Variants in CGGBP1 observed in about 807,000 individuals in gnomAD.
CGGBP1 encodes CGG triplet repeat-binding protein 1.
CGGBP1 carries 4 observed loss-of-function variants against 11.4 expected under a neutral mutation model. That is an observed-to-expected ratio of 0.35 (90% CI 0.17 to 0.80). CGGBP1 has a LOEUF of 0.80. Ranked by LOEUF, CGGBP1 falls within the 30% of genes least tolerant of loss-of-function variation. The pLI, the probability that CGGBP1 is intolerant of heterozygous loss-of-function variation, is 0.52. For missense variants in CGGBP1, 135 were observed against 202.1 expected (o/e 0.67, Z 2.01); for synonymous variants, 76 against 74.1 (o/e 1.03, Z -0.13).
intron 2 of CGGBP1, chr3:88,139,280 A>G (rs1576355811): frequency 6.4e-7 from 1 of 1,559,004 alleles, no homozygotes; most frequent in East Asian, 2.2e-5. Context: ...GTACTTCCAA[A>G]GTAGATCACA....
chr3:88,089,490 T>TAA (rs11425740), intron 2 of CGGBP1, among the ~76,000 whole-genome samples: 223 of 147,682 alleles, frequency 1.5e-3, no homozygotes, highest in East Asian at 0.011. Context: ...AAACTCTGTT[T>TAA]AAAAAAAAAA....
chr3:88,074,907 A>C (rs1707715370), intron 2 of CGGBP1, among the ~76,000 whole-genome samples: 1 of 152,176 alleles, frequency 6.6e-6, no homozygotes, highest in Non-Finnish European at 1.5e-5. Context: ...GCCAGTGTCC[A>C]TAACTTGTGC....
In CGGBP1 at chr3:88,101,682, T is replaced by TAGATACCTAGGC. The variant is rs1320442139; in HGVS notation, c.-229+39276_-229+39287dup. ...GCCACATCTTTTCATTTCTCCTAGGTAGATACCTAGGCATAGAATTGTTAG... is the reference window on the plus strand; with the variant it reads ...GCCACATCTTTTCATTTCTCCTAGGTAGATACCTAGGCAGATACCTAGGCATAGAATTGTTAG... On this transcript the variant is annotated intron_variant, in intron 2 of 3. Transcript: ENST00000462901. Among the ~76,000 whole-genome samples, 9 of 152,148 alleles carry TAGATACCTAGGC rather than the reference T, an allele frequency of 5.9e-5. 1 individual carries two copies. Among genetic ancestry groups the TAGATACCTAGGC allele is most frequent in the Non-Finnish European group, 1.2e-4 (8 of 68,014 alleles).
intron 2 of CGGBP1, chr3:88,095,782 A>G: frequency 2.3e-6 from 1 of 426,574 alleles, no homozygotes; most frequent in Non-Finnish European, 4.5e-6. Context: ...TTTGTAAACT[A>G]AGAAATGAGC....
chr3:88,110,293 G>T (rs753112645), intron 2 of CGGBP1, among the ~76,000 whole-genome samples: 2 of 152,078 alleles, frequency 1.3e-5, no homozygotes, highest in East Asian at 3.8e-4. Context: ...GGTCTGTAAA[G>T]GACCAGATAC....
chr3:88,057,132 T>G (rs1706564161), intron 3 of CGGBP1, 59 bp downstream of exon 3: 1 of 152,198 alleles, frequency 6.6e-6, no homozygotes, highest in Admixed American at 6.5e-5. Flanking sequence ...AAGTGTGCTC[T>G]GAAGAATTAT....
intron 2 of CGGBP1, among the ~76,000 whole-genome samples, chr3:88,116,359 A>G (rs1299782521): frequency 6.6e-6 from 1 of 152,056 alleles, no homozygotes; most frequent in Non-Finnish European, 1.5e-5. Flanking sequence ...CGTCCCTACT[A>G]AAAATACAAA....
chr3:88,130,617 A>ATT (rs10674029), intron 2 of CGGBP1, among the ~76,000 whole-genome samples: 2,162 of 129,170 alleles, frequency 0.017, 70 homozygotes, highest in African/African-American at 0.054. Context: ...TGCCCAGCTA[A>ATT]TTTTTTTTTT....
At chr3:88,082,257 G>A (rs1289564518) in intron 2 of CGGBP1, among the ~76,000 whole-genome samples, 2 of 151,932 alleles carry the variant, frequency 1.3e-5, no homozygotes, top group Non-Finnish European at 1.5e-5. Flanking sequence ...CTCCCAAGTA[G>A]CTAGGACTAC....
intron 2 of CGGBP1, among the ~76,000 whole-genome samples, chr3:88,066,671 G>A (rs545611350): frequency 2.4e-4 from 37 of 152,116 alleles, no homozygotes; most frequent in African/African-American, 8.9e-4. Flanking sequence ...AAGTTTTTTA[G>A]TTATATCATC....
chr3:88,087,167 C>T (rs1708379922), intron 2 of CGGBP1, among the ~76,000 whole-genome samples: 1 of 152,118 alleles, frequency 6.6e-6, no homozygotes, highest in Non-Finnish European at 1.5e-5. Context: ...CAACCTCTAC[C>T]TCCCAGGTTC....
In CGGBP1 at chr3:88,107,383, T is replaced by C. The variant is rs571166943; in HGVS notation, c.-229+33587A>G. Among the ~76,000 whole-genome samples, 12 of 152,284 alleles carry C rather than the reference T, an allele frequency of 7.9e-5. No homozygotes were observed. In the South Asian group the frequency reaches 2.3e-3, roughly 29 times the overall value. ...TTAGACCTTTCTTTCCAATTTAATT[T>C]CCCATGTTTTTGTAAACAATCTATA... On this transcript the variant is annotated intron_variant, in intron 2 of 3. Transcript: ENST00000462901.
At chr3:88,059,163 G>A (rs984951566), upstream of CGGBP1, 70 of 1,375,358 alleles carry the variant, frequency 5.1e-5, no homozygotes, top group Non-Finnish European at 6.6e-5. Flanking sequence ...GGGGGCGTGG[G>A]TGGGCGGAGC....
At chr3:88,078,106 GA>G (rs1309898060) in intron 2 of CGGBP1, among the ~76,000 whole-genome samples, 1 of 152,118 alleles carries the variant, frequency 6.6e-6, no homozygotes, top group African/African-American at 2.4e-5. Flanking sequence ...AAACTATTGT[GA>G]ATATCGGACT....
chr3:88,130,867 C>T (rs1706417448), intron 2 of CGGBP1, among the ~76,000 whole-genome samples: 1 of 151,910 alleles, frequency 6.6e-6, no homozygotes, highest in African/African-American at 2.4e-5. Flanking sequence ...CTAGGGGTTA[C>T]AGTATACCTT....
chr3:88,061,594 T>A (rs1400688777), upstream of CGGBP1, among the ~76,000 whole-genome samples: 1 of 152,184 alleles, frequency 6.6e-6, no homozygotes, highest in Non-Finnish European at 1.5e-5. Flanking sequence ...CTTTGTGAAG[T>A]CCTTTTTTAT....
chr3:88,137,149 C>T (rs575196551), intron 2 of CGGBP1, among the ~76,000 whole-genome samples: 5 of 120,382 alleles, frequency 4.2e-5, no homozygotes, highest in Admixed American at 2.3e-4. Context: ...GAGCTGAGAT[C>T]ATGCCATTCT....
chr3:88,128,726 A>G lies in CGGBP1; in HGVS notation c.-229+12244T>C, dbSNP rs1706269737. On this transcript the variant is annotated intron_variant, in intron 2 of 3. Coordinates refer to the CGGBP1 transcript ENST00000462901. ...GTAGTTAAATCTAATTAGAAACCATATTTTAGTGGTAAAGTTTCAAAGAAC... is the reference window on the plus strand; with the variant it reads ...GTAGTTAAATCTAATTAGAAACCATGTTTTAGTGGTAAAGTTTCAAAGAAC... 4 of 922,048 alleles carry G rather than the reference A, an allele frequency of 4.3e-6. No homozygotes were observed. In the South Asian group the frequency reaches 7.1e-5, roughly 16 times the overall value. The allele number at this position is 922,048 out of a possible 1,614,324, so 57.1% of individuals were successfully genotyped here. A position where few individuals can be genotyped will look rare whatever the true frequency, so the allele number is the denominator to read the frequency against.
upstream of CGGBP1, chr3:88,059,246 G>A (rs1019908902): frequency 7.2e-6 from 11 of 1,526,620 alleles, no homozygotes; most frequent in African/African-American, 1.2e-4. Flanking sequence ...TAGAGAGGAG[G>A]AGGAGGTTAG....
Sources: gnomAD v4.1 joint callset for allele counts (sites outside exome capture counted in the v4.1 genomes callset) on GRCh38, gnomAD v4.1.1 for gene constraint, MANE v1.5 for transcripts, NCBI Gene and HGNC (gene_info 2026-07-23, HGNC 2026-07-21) for gene names.